RGS7BP: variants seen among roughly 807,000 people sequenced by gnomAD.
RGS7BP encodes regulator of G protein signaling 7-binding protein.
RGS7BP carries 9 observed loss-of-function variants against 31.3 expected under a neutral mutation model. That is an observed-to-expected ratio of 0.29 (90% CI 0.17 to 0.50). The LOEUF (loss-of-function observed/expected upper bound fraction) is 0.50. Among genes scored for constraint, RGS7BP ranks in the 20% least tolerant of loss-of-function variants. The pLI is 0.98. For synonymous variants in RGS7BP, 115 were observed against 120.1 expected (o/e 0.96, Z 0.28); for missense variants, 274 against 322.0 (o/e 0.85, Z 1.14).
At chr5:64,565,275 A>G (rs79945922) in intron 2 of RGS7BP, among the ~76,000 whole-genome samples, 1 of 151,998 alleles carries the variant, frequency 6.6e-6, no homozygotes, top group Non-Finnish European at 1.5e-5. Flanking sequence ...TTAGGTAAAA[A>G]AGTGAACTCC....
At position 64,553,842 on chromosome 5, in the gene RGS7BP, T is replaced by C. The variant is rs867927860; in HGVS notation, c.333-21932T>C. 5.9e-5 allele frequency among the ~76,000 whole-genome samples: 9 copies of C among 152,262 alleles called. No homozygotes were observed. In the South Asian group the frequency reaches 8.3e-4, roughly 14 times the overall value. ...ACAAACACCCTCTTAAATGTATAACTAAGCTCACAGGAAAGGAAGAGAAAT... is the reference window on the plus strand; with the variant it reads ...ACAAACACCCTCTTAAATGTATAACCAAGCTCACAGGAAAGGAAGAGAAAT... On this transcript the variant is annotated intron_variant, in intron 2 of 5. Transcript: ENST00000334025.
chr5:64,508,005 T>C, intron 2 of RGS7BP, 128 bp downstream of exon 2: 1 of 768,804 alleles, frequency 1.3e-6, no homozygotes, highest in Non-Finnish European at 2.1e-6. Flanking sequence ...ATCGAAATTC[T>C]CTAGAGAGCT....
chr5:64,550,711 C>T lies in RGS7BP; in HGVS notation c.333-25063C>T, dbSNP rs1741772620. On this transcript the variant is annotated intron_variant, in intron 2 of 5. Transcript: ENST00000334025. ...CATCATTTAGCATTAGGTATATCTC[C>T]TAATGCTATCCCTCCCCCCTCCCCC... 2.0e-5 allele frequency among the ~76,000 whole-genome samples: 3 copies of T among 150,362 alleles called. No homozygotes were observed. The South Asian group carries it at 6.4e-4, about 32-fold the overall frequency.
chr5:64,576,049 A>C (rs1234942001), intron 3 of RGS7BP, 145 bp downstream of exon 3: 1 of 695,680 alleles, frequency 1.4e-6, no homozygotes, highest in Non-Finnish European at 2.3e-6. Flanking sequence ...TTGCTATATA[A>C]ATGAATAAGA....
chr5:64,578,057 C>A (rs975299675), intron 3 of RGS7BP, among the ~76,000 whole-genome samples: 2 of 152,236 alleles, frequency 1.3e-5, no homozygotes, highest in Non-Finnish European at 2.9e-5. Context: ...CAACTCTTCT[C>A]TGCTAGCTAT....
intron 5 of RGS7BP, among the ~76,000 whole-genome samples, chr5:64,606,872 T>C (rs368019717): frequency 6.6e-6 from 1 of 152,092 alleles, no homozygotes; most frequent in East Asian, 1.9e-4. Context: ...ACATCCAGAT[T>C]ATAGTAAATT....
rs528268147 is a variant in RGS7BP, at chr5:64,538,419, T to TCTTTGTTTTGC, written c.332+30553_332+30563dup. On this transcript the variant is annotated intron_variant, in intron 2 of 5. Coordinates refer to ENST00000334025, the MANE Select transcript of RGS7BP (RefSeq NM_001029875.3). ...TCTGTATTTTGTTCCTACTATTTTG[T>TCTTTGTTTTGC]CTTTGTTTTGCCTTTGTTTTGTCTT... Among the ~76,000 whole-genome samples, 63 of 151,858 alleles carry TCTTTGTTTTGC rather than the reference T, an allele frequency of 4.1e-4. 1 individual carries two copies. The highest frequency in any genetic ancestry group is 7.9e-4 in the Non-Finnish European group (54 of 67,994).
In RGS7BP at chr5:64,581,287, TAA is replaced by T. The variant is rs564194504; in HGVS notation, c.463+5386_463+5387del. On this transcript the variant is annotated intron_variant, in intron 3 of 5. Transcript: ENST00000334025. ...AACTCTTTTCCCTCTGTGTGAGTGC[TAA>T]AAGTTTGCCATTCCCCTCTTCTTCA... Among the ~76,000 whole-genome samples the T allele has an allele frequency of 2.3e-3, 348 of 152,348 alleles. 2 individuals are homozygous for T. The highest frequency in any genetic ancestry group is 3.2e-3 in the Non-Finnish European group (221 of 68,038).
At chr5:64,565,871 A>G (rs751231989) in intron 2 of RGS7BP, among the ~76,000 whole-genome samples, 1 of 152,144 alleles carries the variant, frequency 6.6e-6, no homozygotes, top group Non-Finnish European at 1.5e-5. Flanking sequence ...ACATCTGTCT[A>G]GATATATACA....
At chr5:64,579,466 C>A (rs1461079272) in intron 3 of RGS7BP, among the ~76,000 whole-genome samples, 1 of 140,512 alleles carries the variant, frequency 7.1e-6, no homozygotes, top group African/African-American at 2.7e-5. Context: ...ATCACTTGAA[C>A]CCAGGAGGCA....
At chr5:64,548,432 C>T (rs536607450) in intron 2 of RGS7BP, among the ~76,000 whole-genome samples, 20 of 152,198 alleles carry the variant, frequency 1.3e-4, no homozygotes, top group Admixed American at 3.3e-4. Context: ...AATTTCTGTA[C>T]GCAAGTTAAA....
At chr5:64,607,373 T>G (rs1743389907) in intron 5 of RGS7BP, among the ~76,000 whole-genome samples, 1 of 152,048 alleles carries the variant, frequency 6.6e-6, no homozygotes, top group Admixed American at 6.6e-5. Context: ...CCCAAGGTGG[T>G]CAGGCTACAA....
chr5:64,555,641 A>C (rs1158748828), intron 2 of RGS7BP, among the ~76,000 whole-genome samples: 1 of 152,176 alleles, frequency 6.6e-6, no homozygotes, highest in African/African-American at 2.4e-5. Flanking sequence ...ACTTGAGCTG[A>C]AAATGGACAA....
intron 2 of RGS7BP, among the ~76,000 whole-genome samples, chr5:64,547,004 T>C (rs1330537294): frequency 6.6e-6 from 1 of 152,238 alleles, no homozygotes; most frequent in Non-Finnish European, 1.5e-5. Flanking sequence ...CTTTTGCCAG[T>C]TCTTAAACTT....
chr5:64,568,690 T>G (rs1328502167), intron 2 of RGS7BP, among the ~76,000 whole-genome samples: 1 of 152,004 alleles, frequency 6.6e-6, no homozygotes, highest in Admixed American at 6.6e-5. Context: ...CAGTTACATT[T>G]AAGATGAATA....
chr5:64,601,581 C>T (rs552694390), intron 5 of RGS7BP: 131 of 238,844 alleles, frequency 5.5e-4, no homozygotes, highest in African/African-American at 3.0e-3. Flanking sequence ...AAAAGCAAGC[C>T]ACCCTTGCAC....
intron 2 of RGS7BP, among the ~76,000 whole-genome samples, chr5:64,556,493 A>G (rs547781532): frequency 5.5e-4 from 83 of 151,686 alleles, no homozygotes; most frequent in African/African-American, 1.9e-3. Flanking sequence ...AACGGAGTAA[A>G]AGAAAATGTC....
rs80135537 is a variant in RGS7BP, at chr5:64,572,499, T to C, written c.333-3275T>C. Among the ~76,000 whole-genome samples, 1,350 of 152,260 alleles carry C rather than the reference T, an allele frequency of 8.9e-3. 18 individuals are homozygous for C. Among genetic ancestry groups the C allele is most frequent in the African/African-American group, 0.03 (1,263 of 41,546 alleles). On this transcript the variant is annotated intron_variant, in intron 2 of 5. Coordinates refer to ENST00000334025, the MANE Select transcript of RGS7BP (RefSeq NM_001029875.3). ...TAACTTAGTCTAGGCATCATGAAAC[T>C]CTAACATAAAAGATACCTTAGCTTT...
intron 2 of RGS7BP, among the ~76,000 whole-genome samples, chr5:64,561,148 A>C (rs1008423608): frequency 6.6e-6 from 1 of 152,150 alleles, no homozygotes; most frequent in African/African-American, 2.4e-5. Flanking sequence ...TGTGCTAGAC[A>C]TGTACACCTC....
Sources: gnomAD v4.1 joint callset for allele counts (sites outside exome capture counted in the v4.1 genomes callset) on GRCh38, gnomAD v4.1.1 for gene constraint, MANE v1.5 for transcripts, NCBI Gene and HGNC (gene_info 2026-07-23, HGNC 2026-07-21) for gene names.